ARHGAP15: variants seen among roughly 807,000 people sequenced by gnomAD.
ARHGAP15 encodes Rho GTPase activating protein 15.
Under a neutral mutation model 63.7 loss-of-function variants are expected in ARHGAP15, and 51 were observed. The observed-to-expected ratio is 0.80, with a 90% CI of 0.64 to 1.01. The LOEUF (loss-of-function observed/expected upper bound fraction) is 1.01. Among genes scored for constraint, ARHGAP15 ranks in the 50% least tolerant of loss-of-function variants. The pLI, the probability that ARHGAP15 is intolerant of heterozygous loss-of-function variation, is 0.00. For synonymous variants in ARHGAP15, 191 were observed against 193.8 expected (o/e 0.99, Z 0.12); for missense variants, 560 against 564.6 (o/e 0.99, Z 0.08).
intron 6 of ARHGAP15, among the ~76,000 whole-genome samples, chr2:143,262,304 C>T (rs1680760183): frequency 6.6e-6 from 1 of 152,090 alleles, no homozygotes; most frequent in Non-Finnish European, 1.5e-5. Context: ...AAAATGATGG[C>T]TGGCCTCAAT....
At chr2:143,568,985 A>G (rs1696345536) in intron 11 of ARHGAP15, among the ~76,000 whole-genome samples, 1 of 152,100 alleles carries the variant, frequency 6.6e-6, no homozygotes, top group African/African-American at 2.4e-5. Context: ...GTCACAGGGT[A>G]GGGAACATCA....
At chr2:143,571,624 G>A (rs1416907313) in intron 11 of ARHGAP15, among the ~76,000 whole-genome samples, 1 of 152,096 alleles carries the variant, frequency 6.6e-6, no homozygotes, top group African/African-American at 2.4e-5. Context: ...GGTATTGGTG[G>A]CATCTGCATT....
chr2:143,583,468 T>TA (rs1466264437), intron 11 of ARHGAP15, among the ~76,000 whole-genome samples: 1 of 152,166 alleles, frequency 6.6e-6, no homozygotes, highest in Non-Finnish European at 1.5e-5. Context: ...TACGAACTGT[T>TA]ACTTTTATAG....
intron 12 of ARHGAP15, among the ~76,000 whole-genome samples, chr2:143,677,490 A>G (rs1157193278): frequency 1.3e-5 from 2 of 152,138 alleles, no homozygotes; most frequent in East Asian, 3.8e-4. Context: ...CATTTTAATT[A>G]TATCTGTGTC....
chr2:143,143,126 T>C (rs1321551181), intron 1 of ARHGAP15, among the ~76,000 whole-genome samples: 1 of 152,078 alleles, frequency 6.6e-6, no homozygotes, highest in East Asian at 1.9e-4. Context: ...CATCTCCTCC[T>C]CTGCCTCTCA....
intron 12 of ARHGAP15, among the ~76,000 whole-genome samples, chr2:143,668,425 C>T (rs1216458276): frequency 6.6e-6 from 1 of 152,056 alleles, no homozygotes; most frequent in African/African-American, 2.4e-5. Flanking sequence ...AGTCTCTATT[C>T]CTCCCTATTC....
intron 13 of ARHGAP15, among the ~76,000 whole-genome samples, chr2:143,759,649 C>T (rs1686693227): frequency 6.6e-6 from 1 of 152,174 alleles, no homozygotes; most frequent in Non-Finnish European, 1.5e-5. Flanking sequence ...AGACTATGCT[C>T]TGCATTCCTC....
intron 12 of ARHGAP15, among the ~76,000 whole-genome samples, chr2:143,624,896 T>C (rs1698776400): frequency 8.4e-6 from 1 of 118,864 alleles, no homozygotes; most frequent in African/African-American, 2.6e-5. Context: ...GAAGCTTCCT[T>C]TTCTGTTTTT....
At chr2:143,684,450 G>A (rs1683236225) in intron 12 of ARHGAP15, among the ~76,000 whole-genome samples, 1 of 151,938 alleles carries the variant, frequency 6.6e-6, no homozygotes, top group South Asian at 2.1e-4. Flanking sequence ...CTCTGAAATA[G>A]GATGGATCAT....
At chr2:143,190,245 C>G (rs192790878) in intron 2 of ARHGAP15, among the ~76,000 whole-genome samples, 1 of 152,126 alleles carries the variant, frequency 6.6e-6, no homozygotes, top group Non-Finnish European at 1.5e-5. Flanking sequence ...ATTTAAAATG[C>G]TGATTAAAAT....
chr2:143,484,261 G>A (rs1169095930), intron 8 of ARHGAP15, among the ~76,000 whole-genome samples: 1 of 151,822 alleles, frequency 6.6e-6, no homozygotes, highest in Non-Finnish European at 1.5e-5. Context: ...AGCTACTCAG[G>A]AGGCTGAGGC....
At chr2:143,203,432 A>G (rs1574086204) in intron 3 of ARHGAP15, among the ~76,000 whole-genome samples, 1 of 152,192 alleles carries the variant, frequency 6.6e-6, no homozygotes, top group Non-Finnish European at 1.5e-5. Context: ...TGTTAAATCC[A>G]TCAGTAACTT....
At chr2:143,465,387 T>G (rs1691149326) in intron 8 of ARHGAP15, among the ~76,000 whole-genome samples, 2 of 152,194 alleles carry the variant, frequency 1.3e-5, no homozygotes, top group African/African-American at 4.8e-5. Context: ...AGTAAGGGTC[T>G]GGCTATTAAG....
chr2:143,258,448 C>A (rs982112673), intron 6 of ARHGAP15, among the ~76,000 whole-genome samples: 1 of 152,082 alleles, frequency 6.6e-6, no homozygotes, highest in African/African-American at 2.4e-5. Flanking sequence ...AATGCCCACA[C>A]TTATGCATAA....
At chr2:143,288,736 G>A (rs920294493) in intron 6 of ARHGAP15, among the ~76,000 whole-genome samples, 1 of 150,398 alleles carries the variant, frequency 6.6e-6, no homozygotes, top group African/African-American at 2.4e-5. Flanking sequence ...CACACATACT[G>A]ATAAATACAT....
At chr2:143,299,192 A>G (rs1369224548) in intron 6 of ARHGAP15, among the ~76,000 whole-genome samples, 1 of 151,964 alleles carries the variant, frequency 6.6e-6, no homozygotes, top group East Asian at 1.9e-4. Flanking sequence ...CAACTTATCC[A>G]TTATGAAACA....
intron 6 of ARHGAP15, among the ~76,000 whole-genome samples, chr2:143,338,217 G>A (rs1419131083): frequency 6.6e-6 from 1 of 152,148 alleles, no homozygotes; most frequent in Non-Finnish European, 1.5e-5. Flanking sequence ...AACCCAAGAA[G>A]TCCAATCAAG....
intron 6 of ARHGAP15, among the ~76,000 whole-genome samples, chr2:143,265,982 G>A (rs1012209773): frequency 3.3e-5 from 5 of 151,906 alleles, no homozygotes; most frequent in African/African-American, 1.2e-4. Context: ...AGAAACTGAT[G>A]AAAAACAGGG....
At chr2:143,710,392 T>C (rs1684530097) in intron 13 of ARHGAP15, among the ~76,000 whole-genome samples, 1 of 152,146 alleles carries the variant, frequency 6.6e-6, no homozygotes, top group Admixed American at 6.5e-5. Context: ...AGTTCCCAAC[T>C]CCCCATAGTA....
Sources: gnomAD v4.1 joint callset for allele counts (sites outside exome capture counted in the v4.1 genomes callset) on GRCh38, gnomAD v4.1.1 for gene constraint, MANE v1.5 for transcripts, NCBI Gene and HGNC (gene_info 2026-07-23, HGNC 2026-07-21) for gene names.